Variants in CEP164 observed in about 807,000 individuals in gnomAD.
CEP164 encodes the protein centrosomal protein 164.
CEP164 carries 162 observed loss-of-function variants against 182.7 expected under a neutral mutation model. The ratio of observed to expected loss-of-function variants is 0.89; its 90% CI spans 0.78 to 1.01. The LOEUF is 1.01. Among genes scored for constraint, CEP164 ranks in the 50% least tolerant of loss-of-function variants. The pLI is 0.00. For missense variants in CEP164, 1,735 were observed against 1,790.4 expected (o/e 0.97, Z 0.56); for synonymous variants, 661 against 690.0 (o/e 0.96, Z 0.66).
In CEP164 at chr11:117,412,991, T is replaced by C. The variant is rs1199821871; in HGVS notation, c.*823T>C. The C allele has an allele frequency of 6.6e-6, 1 of 152,264 alleles. No homozygotes were observed. Among genetic ancestry groups the C allele is most frequent in the Non-Finnish European group, 1.5e-5 (1 of 68,060 alleles). 9.4% of individuals were successfully genotyped at this position (152,264 alleles called of 1,614,324 possible). On this transcript the variant is annotated 3_prime_UTR_variant, in exon 33 of 33. Transcript: ENST00000278935. ...TTATCCTCCTGGGACACTTTGGGTA[T>C]ATTCATGGGCATTGTTTCCATCTGT... is the stretch of plus-strand genomic sequence containing the variant.
intron 5 of CEP164, among the ~76,000 whole-genome samples, chr11:117,352,931 G>A (rs1431067673): frequency 2.0e-5 from 3 of 152,188 alleles, no homozygotes; most frequent in Non-Finnish European, 2.9e-5. Flanking sequence ...AGTTCAAAGT[G>A]TTCATATTAA....
In CEP164 at chr11:117,336,456, G is replaced by T. The variant is rs2134952514; in HGVS notation, c.-22+776G>T. ...ACCCTGGCTGTGGTACAGGATGAGG[G>T]GCCCCACCTGGGAGGAAAGCTGGAT... On this transcript the variant is annotated intron_variant, in intron 2 of 32. Coordinates refer to ENST00000278935, the MANE Select transcript of CEP164 (RefSeq NM_014956.5). The T allele has an allele frequency of 2.7e-6, 4 of 1,465,806 alleles. No homozygotes were observed. The South Asian group carries it at 4.6e-5, about 17-fold the overall frequency. The allele number at this position is 1,465,806 out of a possible 1,614,324, so 90.8% of individuals were successfully genotyped here. A position where few individuals can be genotyped will look rare whatever the true frequency, so the allele number is the denominator to read the frequency against.
In CEP164 at chr11:117,409,548, A is replaced by AG; in HGVS notation, c.3749-69dup. The AG allele has an allele frequency of 7.1e-7, 1 of 1,408,784 alleles. No homozygotes were observed. Among genetic ancestry groups the AG allele is most frequent in the African/African-American group, 1.4e-5 (1 of 70,928 alleles). The allele number at this position is 1,408,784 out of a possible 1,614,324, so 87.3% of individuals were successfully genotyped here. ...GGTGGCCAGTAGGGTCCTCCATGACAGCTGTGTCTGGGAATGGTCCAGGGT... is the reference window on the plus strand; with the variant it reads ...GGTGGCCAGTAGGGTCCTCCATGACAGGCTGTGTCTGGGAATGGTCCAGGGT... On this transcript the variant is annotated intron_variant, in intron 29 of 32. Transcript: ENST00000278935. This position sits in a 1 kb window ranked among gnomAD's most constrained non-coding sequence, Gnocchi z 4.4.
At chr11:117,380,577 C>T in intron 11 of CEP164, 37 bp from the exon 12 acceptor site, 3 of 1,539,182 alleles carry the variant, frequency 1.9e-6, no homozygotes, top group Non-Finnish European at 2.6e-6. Flanking sequence ...AAATGCAGTC[C>T]CTCCAACACA....
rs1244504947 is a variant in CEP164 at position 117,411,903 on chromosome 11, G to T, written c.4272G>T (p.Lys1424Asn). The change falls in exon 32 of 33, where the codon AAG becomes AAT. Residue 1424 changes from lysine (K) to asparagine (N), a missense_variant. Transcript: ENST00000278935. The surrounding 1 kb of genome is among the most constrained non-coding windows in gnomAD (Gnocchi z 4.4). Reference protein sequence around the residue: ...EANRRWLERVKNDPRLPLFSS... With the variant: ...EANRRWLERVNNDPRLPLFSS... ...ACCGGAGGTGGCTGGAACGTGTCAA[G>T]AATGACCCCAGGTTGTATCCTTTTA... is the stretch of plus-strand genomic sequence containing the variant. 1.2e-6 allele frequency: 2 copies of T among 1,614,154 alleles called. No individual in the cohort carries two copies. The highest frequency in any genetic ancestry group is 2.2e-5 in the East Asian group (1 of 44,884).
chr11:117,395,162 G>A lies in CEP164; in HGVS notation c.2884G>A (p.Val962Met), dbSNP rs750570669. The A allele has an allele frequency of 4.3e-6, 7 of 1,614,110 alleles. No individual in the cohort carries two copies. In the Admixed American group the frequency reaches 6.7e-5, roughly 15 times the overall value. The change falls in exon 23 of 33, where the codon GTG becomes ATG. Residue 962 changes from valine (V) to methionine (M), a missense_variant. Val to Met is a conservative substitution (Grantham distance 21). Transcript: ENST00000278935. ...GAGGGAGAAGCAGCAGCTGCTTGATGTGCAGAGGCAGGTTGCTCTGAAGAG... is the reference window on the plus strand; with the variant it reads ...GAGGGAGAAGCAGCAGCTGCTTGATATGCAGAGGCAGGTTGCTCTGAAGAG... ...ARREKQQLLD[V>M]QRQVALKSEE...
In CEP164 at chr11:117,384,831, A is replaced by G. The variant is rs1422623438; in HGVS notation, c.1724+1889A>G. 3 of 152,260 alleles carry G rather than the reference A, an allele frequency of 2.0e-5. No individual in the cohort carries two copies. The East Asian group carries it at 5.8e-4, about 29-fold the overall frequency. 9.4% of individuals were successfully genotyped at this position (152,260 alleles called of 1,614,324 possible). A position where few individuals can be genotyped will look rare whatever the true frequency, so the allele number is the denominator to read the frequency against. ...GTAGCTCTGTGTCTGTCAGCTTCCA[A>G]AGGTGTAGTCAAGCTGGATCTGAAG... On this transcript the variant is annotated intron_variant, in intron 14 of 32. Transcript: ENST00000278935.
In CEP164 at chr11:117,394,335, C is replaced by A. The variant is rs1354869264; in HGVS notation, c.2617-15C>A. On this transcript the variant is annotated splice_polypyrimidine_tract_variant and intron_variant, in intron 20 of 32. Coordinates refer to ENST00000278935, the MANE Select transcript of CEP164 (RefSeq NM_014956.5). This position sits in a 1 kb window ranked among gnomAD's most constrained non-coding sequence, Gnocchi z 4.0. Reference sequence around the variant, plus strand: ...CTGCCGCAGCTTCCCACCGGTGGGCCCACCCTCCTTGCAGGAGAGGAAGCA... The same window carrying A: ...CTGCCGCAGCTTCCCACCGGTGGGCACACCCTCCTTGCAGGAGAGGAAGCA... 3 of 1,583,912 alleles carry A rather than the reference C, an allele frequency of 1.9e-6. No homozygotes were observed. The African/African-American group carries it at 4.0e-5, about 21-fold the overall frequency.
chr11:117,355,193 A>C, intron 5 of CEP164: 1 of 1,289,824 alleles, frequency 7.8e-7, no homozygotes, highest in Non-Finnish European at 1.0e-6. Flanking sequence ...CATGGAGAAA[A>C]TCTTAGGCAG....
chr11:117,385,317 A>G (rs968691497), intron 14 of CEP164: 1 of 152,262 alleles, frequency 6.6e-6, no homozygotes, highest in Non-Finnish European at 1.5e-5. Flanking sequence ...CTTCCCCTGG[A>G]GTCCTCAACT....
rs201354785 is a variant in CEP164, at chr11:117,352,481, GTTCAAGA to G, written c.393+496_393+502del. On this transcript the variant is annotated intron_variant, in intron 5 of 32. Coordinates refer to ENST00000278935, the MANE Select transcript of CEP164 (RefSeq NM_014956.5). ...AATTTAGTTGTCAAAACACCAGTGC[GTTCAAGA>G]TTTGAAAGAAAAGCCTTGGGCTTTA... Among the ~76,000 whole-genome samples, 1,204 of 152,294 alleles carry G rather than the reference GTTCAAGA, an allele frequency of 7.9e-3. 14 individuals are homozygous for G. The highest frequency in any genetic ancestry group is 0.028 in the African/African-American group (1,158 of 41,554).
Position 117,355,999 on chromosome 11 carries a change from G to GAGCAGCAGCAGCAGC in CEP164, c.393+4019_393+4033dup, listed in dbSNP as rs6144525. On this transcript the variant is annotated intron_variant, in intron 5 of 32. Transcript: ENST00000278935. ...CTAGCTTGTCTGGGCCTGACTTGGA[G>GAGCAGCAGCAGCAGC]AGCAGCAGCAGCAGCAGCAGCAACA... 2.3e-3 allele frequency: 2,619 copies of GAGCAGCAGCAGCAGC among 1,122,324 alleles called. 62 individuals carry two copies. Among genetic ancestry groups the GAGCAGCAGCAGCAGC allele is most frequent in the Non-Finnish European group, 2.7e-3 (2,426 of 904,094 alleles). 69.5% of individuals were successfully genotyped at this position (1,122,324 alleles called of 1,614,324 possible). A position where few individuals can be genotyped will look rare whatever the true frequency, so the allele number is the denominator to read the frequency against.
At position 117,344,195 on chromosome 11, in the gene CEP164, A is replaced by G. The variant is rs978689124; in HGVS notation, c.112A>G (p.Ile38Val). 2 of 1,613,200 alleles carry G rather than the reference A, an allele frequency of 1.2e-6. No individual in the cohort carries two copies. Among genetic ancestry groups the G allele is most frequent in the African/African-American group, 2.7e-5 (2 of 74,886 alleles). Residue 38 changes from isoleucine to valine, a missense_variant, in exon 4 of 33, where the codon ATT becomes GTT. Physicochemically the swap from Ile to Val is conservative, Grantham distance 29. Transcript: ENST00000278935. ...TCTTGAATTTGCCCGGGAGATTGGTATTGATCCCATCAAGGAACCAGAACT... is the reference window on the plus strand; with the variant it reads ...TCTTGAATTTGCCCGGGAGATTGGTGTTGATCCCATCAAGGAACCAGAACT... Reference protein sequence around the residue: ...EILEFAREIGIDPIKEPELMW... With the variant: ...EILEFAREIGVDPIKEPELMW...
At chr11:117,410,106 T>G in intron 30 of CEP164, 141 bp downstream of exon 30, 1 of 813,464 alleles carries the variant, frequency 1.2e-6, no homozygotes. Flanking sequence ...CCCCCAACGT[T>G]ACCATAGTCC....
chr11:117,400,463 A>C (rs1229479900), intron 27 of CEP164, among the ~76,000 whole-genome samples: 2 of 152,228 alleles, frequency 1.3e-5, no homozygotes, highest in African/African-American at 4.8e-5. Flanking sequence ...TGTCTTGGCT[A>C]TACAGGCTCT....
chr11:117,406,652 T>C (rs1020036737), intron 27 of CEP164, among the ~76,000 whole-genome samples: 4 of 152,208 alleles, frequency 2.6e-5, no homozygotes, highest in Non-Finnish European at 5.9e-5. Flanking sequence ...GCAAAAGGCT[T>C]TGAGTTACTT....
At chr11:117,384,237 A>C (rs1298657308) in intron 14 of CEP164, among the ~76,000 whole-genome samples, 1 of 152,192 alleles carries the variant, frequency 6.6e-6, no homozygotes, top group Non-Finnish European at 1.5e-5. Context: ...CAGCAAGTTC[A>C]TGCACACATT....
rs1228978040 is a variant in CEP164 at position 117,409,666 on chromosome 11, A to G, written c.3797A>G (p.His1266Arg). ...TCCCGCAAGATCCACGGGCTTAGCC[A>G]CTCCCTCCGGCAGATCAGCAGCCAG... ...LTSRKIHGLS[H>R]SLRQISSQLS... is the part of the protein sequence containing the mutation. The change falls in exon 30 of 33, where the codon CAC becomes CGC. Residue 1266 changes from histidine to arginine, a missense_variant. Transcript: ENST00000278935. The surrounding 1 kb of genome is among the most constrained non-coding windows in gnomAD (Gnocchi z 4.4). The G allele has an allele frequency of 3.7e-6, 6 of 1,613,320 alleles. No individual in the cohort carries two copies. The highest frequency in any genetic ancestry group is 4.2e-6 in the Non-Finnish European group (5 of 1,179,636).
In CEP164 at chr11:117,394,242, G is replaced by A. The variant is rs2045113252; in HGVS notation, c.2617-108G>A. On this transcript the variant is annotated intron_variant, in intron 20 of 32. Coordinates refer to ENST00000278935, the MANE Select transcript of CEP164 (RefSeq NM_014956.5). The surrounding 1 kb of genome is among the most constrained non-coding windows in gnomAD (Gnocchi z 4.0). ...CAAGAGCTGGCTTTAGGGAGCCGAT[G>A]GTGTCCCTGATCTTACTGATGCAAG... 1 of 1,414,802 alleles carries A rather than the reference G, an allele frequency of 7.1e-7. No individual in the cohort carries two copies. The highest frequency in any genetic ancestry group is 9.6e-7 in the Non-Finnish European group (1 of 1,041,958). 87.6% of individuals were successfully genotyped at this position (1,414,802 alleles called of 1,614,324 possible).
Sources: gnomAD v4.1 joint callset for allele counts (sites outside exome capture counted in the v4.1 genomes callset) on GRCh38, gnomAD v4.1.1 for gene constraint, Gnocchi (gnomAD v3.1) non-coding constraint, MANE v1.5 for transcripts, NCBI Gene and HGNC (gene_info 2026-07-23, HGNC 2026-07-21) for gene names.